CSMD2: variants seen among roughly 807,000 people sequenced by gnomAD.
CSMD2 encodes the protein CUB and Sushi multiple domains 2.
In CSMD2, 130 loss-of-function variants were observed where a neutral mutation model predicts 398.5. That is an observed-to-expected ratio of 0.33 (90% CI 0.28 to 0.38). The LOEUF is 0.38. CSMD2 is among the 10% of genes least tolerant of loss of function. The probability of loss-of-function intolerance (pLI) is 1.00; values close to 1 mark genes in which losing one functional copy is unlikely to be tolerated. For synonymous variants in CSMD2, 1,828 were observed against 1,908.5 expected, an observed-to-expected ratio of 0.96 and a Z score of 1.10; for missense variants, 3,829 against 4,764.9, an observed-to-expected ratio of 0.80 and a Z score of 5.78.
In CSMD2 at chr1:33,966,292, C is replaced by T. The variant is rs74069875; in HGVS notation, c.518-30338G>A. ...TCACCTGCCCATCCCTAGAAGCAAC[C>T]ATGAAAATTTTCTGCCCTGATGGTT... On this transcript the variant is annotated intron_variant, in intron 3 of 70. Transcript: ENST00000373381. Among the ~76,000 whole-genome samples, 1,385 of 152,296 alleles carry T rather than the reference C, an allele frequency of 9.1e-3. 19 individuals carry two copies. Among genetic ancestry groups the T allele is most frequent in the African/African-American group, 0.031 (1,308 of 41,556 alleles).
At chr1:33,783,243 C>T (rs755230172) in intron 12 of CSMD2, among the ~76,000 whole-genome samples, 19 of 152,066 alleles carry the variant, frequency 1.2e-4, no homozygotes, top group Non-Finnish European at 2.5e-4. Flanking sequence ...GATGGTATTA[C>T]GGACTGAACT....
intron 15 of CSMD2, among the ~76,000 whole-genome samples, chr1:33,738,786 C>T (rs1172116521): frequency 3.9e-5 from 6 of 152,216 alleles, no homozygotes; most frequent in East Asian, 1.9e-4. Flanking sequence ...AAACTCGCAG[C>T]GCTGCCAATG....
At chr1:33,631,343 C>A (rs776377569) in intron 32 of CSMD2, among the ~76,000 whole-genome samples, 2 of 151,852 alleles carry the variant, frequency 1.3e-5, no homozygotes, top group Non-Finnish European at 2.9e-5. Context: ...GAGTAATATA[C>A]CTGAATAGAC....
chr1:34,016,443 G>A (rs1044259166), intron 3 of CSMD2, among the ~76,000 whole-genome samples: 3 of 152,054 alleles, frequency 2.0e-5, no homozygotes, highest in Non-Finnish European at 4.4e-5. Context: ...TGAGGATGAT[G>A]GATTCCAGCT....
chr1:33,591,545 T>C (rs1409186156), intron 44 of CSMD2, among the ~76,000 whole-genome samples: 1 of 152,226 alleles, frequency 6.6e-6, no homozygotes, highest in Admixed American at 6.5e-5. Flanking sequence ...GTTTTTAAAA[T>C]CACCTGCTTT....
chr1:33,567,441 C>T, intron 53 of CSMD2, 152 bp downstream of exon 53: 1 of 356,468 alleles, frequency 2.8e-6, no homozygotes, highest in Non-Finnish European at 4.7e-6. Context: ...AACATTAGAT[C>T]AACAATGCTT....
intron 10 of CSMD2, 141 bp from the exon 11 acceptor site, chr1:33,792,667 C>T (rs866129409): frequency 3.1e-6 from 2 of 649,658 alleles, no homozygotes; most frequent in Middle Eastern, 3.1e-4. Flanking sequence ...CTGACCATTT[C>T]TGTCCCACTT....
chr1:33,757,905 T>C (rs1198319262), intron 13 of CSMD2, among the ~76,000 whole-genome samples: 1 of 152,180 alleles, frequency 6.6e-6, no homozygotes, highest in Non-Finnish European at 1.5e-5. Context: ...ACTGCCAGAG[T>C]CTACCTGGTG....
At chr1:33,967,621 C>T (rs1175605727) in intron 3 of CSMD2, among the ~76,000 whole-genome samples, 1 of 152,160 alleles carries the variant, frequency 6.6e-6, no homozygotes, top group Non-Finnish European at 1.5e-5. Flanking sequence ...AAAAACAATA[C>T]ATTAACTCTT....
chr1:33,711,098 T>C (rs1241068936), intron 21 of CSMD2, among the ~76,000 whole-genome samples: 1 of 152,150 alleles, frequency 6.6e-6, no homozygotes, highest in Non-Finnish European at 1.5e-5. Flanking sequence ...GCAGGCTCCC[T>C]GGGGGCAGTG....
chr1:33,993,193 T>G (rs1167116480), intron 3 of CSMD2, among the ~76,000 whole-genome samples: 1 of 152,216 alleles, frequency 6.6e-6, no homozygotes, highest in Non-Finnish European at 1.5e-5. Context: ...CATCAATCCA[T>G]GAACCCTATA....
At chr1:33,592,495 G>A (rs1639529873) in intron 44 of CSMD2, 2 of 717,118 alleles carry the variant, frequency 2.8e-6, no homozygotes, top group African/African-American at 3.5e-5. Flanking sequence ...GTGCCCTGAG[G>A]AGCAGTTAAA....
At chr1:33,827,106 ACCTTT>A (rs1418335113) in intron 6 of CSMD2, among the ~76,000 whole-genome samples, 1 of 152,192 alleles carries the variant, frequency 6.6e-6, no homozygotes, top group African/African-American at 2.4e-5. Context: ...AGTCTGAGAT[ACCTTT>A]CCCCTCATGA....
chr1:34,020,519 G>T (rs2148110482), intron 3 of CSMD2, among the ~76,000 whole-genome samples: 1 of 152,296 alleles, frequency 6.6e-6, no homozygotes, highest in South Asian at 2.1e-4. Context: ...CCAGCGTCAT[G>T]CTGCTGGCCC....
Position 33,569,428 on chromosome 1 carries a change from C to T in CSMD2, c.8077G>A (p.Val2693Met), listed in dbSNP as rs200761471. Reference protein sequence around the residue: ...NSGYTLVGSRVRECMANGLWS... With the variant: ...NSGYTLVGSRMRECMANGLWS... ...AGCCCATTGGCCATGCACTCACGCA[C>T]CCTGGAGCCCACCAGTGTGTATCCG... The change falls in exon 52 of 71, where the codon GTG becomes ATG. Residue 2693 changes from valine (V) to methionine (M), a missense_variant. Coordinates refer to ENST00000373381, the MANE Select transcript of CSMD2 (RefSeq NM_001281956.2). 7 of 1,614,178 alleles carry T rather than the reference C, an allele frequency of 4.3e-6. No homozygotes were observed. The East Asian group carries it at 1.6e-4, about 36-fold the overall frequency.
chr1:33,580,947 G>A (rs367546330), intron 47 of CSMD2, 48 bp from the exon 48 acceptor site: 12 of 1,601,256 alleles, frequency 7.5e-6, no homozygotes, highest in Non-Finnish European at 1.0e-5. Context: ...GCCATCACAG[G>A]GAGCCTCCAG....
chr1:33,650,490 C>T (rs559476447), intron 28 of CSMD2, among the ~76,000 whole-genome samples: 225 of 148,468 alleles, frequency 1.5e-3, no homozygotes, highest in Non-Finnish European at 2.7e-3. Flanking sequence ...TGAAAGAATC[C>T]GTGAGGCCCT....
chr1:33,896,228 G>T (rs1432962491), intron 5 of CSMD2, among the ~76,000 whole-genome samples: 1 of 152,008 alleles, frequency 6.6e-6, no homozygotes, highest in East Asian at 1.9e-4. Context: ...ATTGGCAGAG[G>T]GGGTAGGAGG....
intron 64 of CSMD2, among the ~76,000 whole-genome samples, chr1:33,531,387 G>A (rs1224394174): frequency 6.6e-6 from 1 of 152,210 alleles, no homozygotes; most frequent in Non-Finnish European, 1.5e-5. Context: ...TGCATTGCTG[G>A]TGGGAATAAC....
Sources: gnomAD v4.1 joint callset for allele counts (sites outside exome capture counted in the v4.1 genomes callset) on GRCh38, gnomAD v4.1.1 for gene constraint, MANE v1.5 for transcripts, NCBI Gene and HGNC (gene_info 2026-07-23, HGNC 2026-07-21) for gene names.